The following SLC22A8 variants were observed in gnomAD, a reference collection of about 807,000 sequenced individuals.
SLC22A8 encodes organic anion transporter 3.
In SLC22A8, 40 loss-of-function variants were observed where a neutral mutation model predicts 48.4. That is an observed-to-expected ratio of 0.83 (90% CI 0.64 to 1.08). SLC22A8 has a LOEUF of 1.08. Ranked by LOEUF, SLC22A8 falls within the 50% of genes least tolerant of loss-of-function variation. SLC22A8 has a pLI of 0.00. For synonymous variants in SLC22A8, 268 were observed against 286.3 expected (o/e 0.94, Z 0.65); for missense variants, 606 against 699.0 (o/e 0.87, Z 1.50).
At chr11:62,997,385 C>T (rs531313055) in intron 5 of SLC22A8, among the ~76,000 whole-genome samples, 6 of 152,176 alleles carry the variant, frequency 3.9e-5, no homozygotes, top group South Asian at 4.2e-4. Flanking sequence ...TCACCACACC[C>T]GGCTAATTTT....
intron 9 of SLC22A8, 59 bp downstream of exon 9, chr11:62,993,711 C>T: frequency 1.3e-6 from 2 of 1,582,390 alleles, no homozygotes; most frequent in Non-Finnish European, 8.7e-7. Context: ...CAGGACAATG[C>T]CACAGTCCCA....
chr11:62,993,212 G>T lies in SLC22A8; in HGVS notation c.*25C>A. The stretch of plus-strand genomic sequence containing the variant: ...CCTGGCTAGGATCAGTCTCTGGAGG[G>T]CAGGGAAAGGGGGTTCCGTTGTCCT... On this transcript the variant is annotated 3_prime_UTR_variant, in exon 11 of 11. Coordinates refer to ENST00000336232, the MANE Select transcript of SLC22A8 (RefSeq NM_004254.4). The T allele has an allele frequency of 2.5e-6, 4 of 1,573,530 alleles. No individual in the cohort carries two copies. Among genetic ancestry groups the T allele is most frequent in the Non-Finnish European group, 3.5e-6 (4 of 1,147,946 alleles).
intron 2 of SLC22A8, among the ~76,000 whole-genome samples, chr11:63,006,221 A>G (rs1446349353): frequency 6.6e-6 from 1 of 152,178 alleles, no homozygotes; most frequent in East Asian, 1.9e-4. Flanking sequence ...GAGCCATGCA[A>G]GTCCTTGGAT....
At chr11:62,995,429 G>A (rs1393161331) in intron 7 of SLC22A8, 3 of 512,402 alleles carry the variant, frequency 5.9e-6, no homozygotes, top group Non-Finnish European at 1.1e-5. Context: ...GAGCGGCAGG[G>A]ATGTGAGCTG....
At chr11:63,002,592 AC>A (rs1377374828) in intron 2 of SLC22A8, among the ~76,000 whole-genome samples, 1 of 151,606 alleles carries the variant, frequency 6.6e-6, no homozygotes, top group Non-Finnish European at 1.5e-5. Context: ...TGTGAATTGG[AC>A]TTTTTTTTAA....
chr11:63,012,773 T>A (rs371563760), intron 2 of SLC22A8, among the ~76,000 whole-genome samples: 1 of 152,194 alleles, frequency 6.6e-6, no homozygotes, highest in Non-Finnish European at 1.5e-5. Flanking sequence ...TGAGAGCGGG[T>A]CTGCGTCTCG....
chr11:63,000,646 G>A, intron 3 of SLC22A8, 74 bp downstream of exon 3: 6 of 1,099,144 alleles, frequency 5.5e-6, no homozygotes, highest in East Asian at 2.4e-5. Flanking sequence ...CTTTGCGGGT[G>A]CACGGGTGGA....
chr11:62,995,844 T>A (rs1565294725), intron 6 of SLC22A8, 25 bp from the exon 7 acceptor site: 1 of 1,570,654 alleles, frequency 6.4e-7, no homozygotes, highest in East Asian at 2.2e-5. Context: ...GGGGGAGGGG[T>A]GCCATTAATG....
intron 2 of SLC22A8, among the ~76,000 whole-genome samples, chr11:63,011,019 T>C (rs2086613645): frequency 6.6e-6 from 1 of 152,196 alleles, no homozygotes; most frequent in Non-Finnish European, 1.5e-5. Context: ...AGTCCTGTGA[T>C]GACAGGGTGG....
chr11:63,014,719 G>T lies in SLC22A8; in HGVS notation c.240C>A (p.Pro80=). 6.2e-7 allele frequency: 1 copy of T among 1,614,154 alleles called. No individual in the cohort carries two copies. Residue 80 remains proline (P), a synonymous_variant, in exon 2 of 11, where the codon CCC becomes CCA. Transcript: ENST00000336232. ...PERCLRFVHP[P]NASLPNDTQR... is the part of the protein sequence containing the mutation. ...GGGTGTCATTGGGCAGGCTGGCATT[G>T]GGCGGATGTACAAAACGGAGGCACC...
At chr11:63,013,414 C>T (rs2086640503) in intron 2 of SLC22A8, among the ~76,000 whole-genome samples, 2 of 152,140 alleles carry the variant, frequency 1.3e-5, no homozygotes, top group African/African-American at 4.8e-5. Flanking sequence ...TGCTTGGCAC[C>T]AGGTAAGGGC....
chr11:62,995,381 A>AG, intron 7 of SLC22A8: 2 of 405,702 alleles, frequency 4.9e-6, no homozygotes. Flanking sequence ...GCTGACCCAG[A>AG]GGGGGGCAGT....
chr11:62,999,635 G>A, intron 4 of SLC22A8, 53 bp downstream of exon 4: 1 of 1,402,444 alleles, frequency 7.1e-7, no homozygotes, highest in East Asian at 2.6e-5. Flanking sequence ...ATTCTCTTTT[G>A]GCTTCTGGAT....
At chr11:62,997,865 G>A (rs1167365946) in intron 5 of SLC22A8, among the ~76,000 whole-genome samples, 1 of 152,220 alleles carries the variant, frequency 6.6e-6, no homozygotes, top group Non-Finnish European at 1.5e-5. Flanking sequence ...AAAACGGGCT[G>A]TGCACATAGC....
In SLC22A8 at chr11:62,993,470, T is replaced by G; in HGVS notation, c.1483A>C (p.Thr495Pro). Residue 495 changes from threonine to proline, a missense_variant, in exon 10 of 11, where the codon ACC (threonine) becomes CCC (proline). Physicochemically the swap from Thr to Pro is conservative, Grantham distance 38. Coordinates refer to ENST00000336232, the MANE Select transcript of SLC22A8 (RefSeq NM_004254.4). ...GTCTCTGGCAAGGGCTGATTCAGGG[T>G]CTCAGGCAGGAAGAGGGCAGCACTG... ...GGSAALFLPE[T>P]LNQPLPETIE... 6.2e-7 allele frequency: 1 copy of G among 1,614,108 alleles called. No individual in the cohort carries two copies. Among genetic ancestry groups the G allele is most frequent in the Non-Finnish European group, 8.5e-7 (1 of 1,180,016 alleles).
chr11:63,002,638 C>T (rs1422317212), intron 2 of SLC22A8, among the ~76,000 whole-genome samples: 1 of 152,014 alleles, frequency 6.6e-6, no homozygotes, highest in Non-Finnish European at 1.5e-5. Context: ...TGCTGATAAC[C>T]CTCTTGATTC....
At chr11:62,993,909 GGA>G (rs756887014) in intron 8 of SLC22A8, 31 bp from the exon 9 acceptor site, 6 of 1,341,208 alleles carry the variant, frequency 4.5e-6, no homozygotes, top group Admixed American at 1.7e-5. Context: ...GGTGGGCCTT[GGA>G]GTTCAGGAGC....
chr11:63,005,625 C>T (rs1054002782), intron 2 of SLC22A8, among the ~76,000 whole-genome samples: 2 of 152,158 alleles, frequency 1.3e-5, no homozygotes, highest in South Asian at 2.1e-4. Context: ...CACTATGACT[C>T]GTGTTCTTAT....
chr11:63,000,697 T>C, intron 3 of SLC22A8, 23 bp downstream of exon 3: 5 of 1,538,654 alleles, frequency 3.2e-6, no homozygotes, highest in Non-Finnish European at 4.5e-6. Context: ...CATGCTTCCA[T>C]GGGCTGTGCC....
Sources: allele counts gnomAD v4.1 joint callset (sites outside exome capture counted in the v4.1 genomes callset), GRCh38; gene constraint gnomAD v4.1.1; transcripts MANE v1.5; gene names NCBI Gene and HGNC (gene_info 2026-07-23, HGNC 2026-07-21).